The following HAUS7 variants were observed in gnomAD, a reference collection of about 807,000 sequenced individuals.
The protein encoded by HAUS7 is HAUS augmin like complex subunit 7.
A neutral mutation model predicts 28.4 loss-of-function variants in HAUS7; 3 were observed. That is an observed-to-expected ratio of 0.11 (90% CI 0.05 to 0.27). The LOEUF (loss-of-function observed/expected upper bound fraction) is 0.27, where lower values mean the gene tolerates loss of function less well. HAUS7 is among the 10% of genes least tolerant of loss of function. The pLI is 1.00. For synonymous variants in HAUS7, 165 were observed against 132.1 expected (o/e 1.25, Z -1.71); for missense variants, 284 against 297.3 (o/e 0.96, Z 0.33).
At chrX:153,493,888 G>A (rs904140176) in intron 1 of HAUS7, among the ~76,000 whole-genome samples, 5 of 112,054 alleles carry the variant, frequency 4.5e-5, no homozygotes, top group South Asian at 3.7e-4. Context: ...ATTGGATGCC[G>A]CCTCTCTCTA....
chrX:153,481,859 C>T, intron 1 of HAUS7: 1 of 755,851 alleles, frequency 1.3e-6, no homozygotes, highest in Non-Finnish European at 1.6e-6. Context: ...GGCTGCCCAA[C>T]CTGGAGTGGC....
intron 1 of HAUS7, among the ~76,000 whole-genome samples, chrX:153,478,530 A>T (rs1288406335): frequency 1.8e-5 from 2 of 112,607 alleles, no homozygotes; most frequent in Non-Finnish European, 3.8e-5. Context: ...ACATGGCTTC[A>T]CCCAGGCAGT....
intron 9 of HAUS7, among the ~76,000 whole-genome samples, chrX:153,449,940 A>G (rs1055915355): frequency 8.9e-6 from 1 of 112,131 alleles, no homozygotes; most frequent in African/African-American, 3.2e-5. Flanking sequence ...CAGCTGTCCA[A>G]GCATGTCTGG....
intron 4 of HAUS7, 59 bp from the exon 5 acceptor site, chrX:153,457,287 T>C: frequency 1.3e-6 from 1 of 777,238 alleles, no homozygotes; most frequent in African/African-American, 2.0e-5. Context: ...CAAGGCCAGC[T>C]GTCCCCAGTG....
chrX:153,456,687 GC>G, intron 5 of HAUS7, 36 bp from the exon 6 acceptor site: 1 of 1,102,088 alleles, frequency 9.1e-7, no homozygotes, highest in Non-Finnish European at 1.2e-6. Context: ...ACCGTCACAG[GC>G]CAGAGCACTC....
At chrX:153,462,545 T>C (rs3020967) in intron 4 of HAUS7, 65 bp downstream of exon 4, 323,250 of 891,233 alleles carry the variant, frequency 0.36, 43,975 homozygotes, top group East Asian at 0.68. Context: ...GCCAGCACCA[T>C]GAGGTTCCCT....
intron 1 of HAUS7, chrX:153,485,802 G>C (rs1200204589): frequency 1.1e-6 from 1 of 899,043 alleles, no homozygotes. Flanking sequence ...TCCTACAACC[G>C]GCTGGTGCAC....
intron 4 of HAUS7, among the ~76,000 whole-genome samples, chrX:153,457,816 C>T (rs1273970689): frequency 8.8e-6 from 1 of 113,164 alleles, no homozygotes; most frequent in African/African-American, 3.2e-5. Flanking sequence ...TCAAGGCTTC[C>T]GGAAGCACAG....
Position 153,469,277 on chromosome X carries a change from G to T in HAUS7, c.109-16C>A. 1 of 771,971 alleles carries T rather than the reference G, an allele frequency of 1.3e-6. No homozygotes were observed. Among genetic ancestry groups the T allele is most frequent in the Non-Finnish European group, 2.0e-6 (1 of 500,678 alleles). 63.6% of individuals were successfully genotyped at this position (771,971 alleles called of 1,213,427 possible). ...AGTTTAGGTCCTAAGCAAGGAAAAG[G>T]AAAGCAACATTCACTGAAAGTCCCA... On this transcript the variant is annotated splice_polypyrimidine_tract_variant and intron_variant, in intron 1 of 9. Transcript: ENST00000370211.
intron 9 of HAUS7, among the ~76,000 whole-genome samples, chrX:153,452,595 T>C (rs2089253180): frequency 8.9e-6 from 1 of 112,604 alleles, no homozygotes; most frequent in Non-Finnish European, 1.9e-5. Context: ...GCAGTTTCTG[T>C]ATACTATTGA....
intron 1 of HAUS7, chrX:153,486,805 TC>T (rs1401407573): frequency 1.6e-4 from 152 of 980,071 alleles, no homozygotes; most frequent in Non-Finnish European, 2.0e-4. Flanking sequence ...GGAGGAGGGC[TC>T]CTAGTCCTGC....
rs367988369 is a variant in HAUS7 at position 153,454,455 on chromosome X, G to A, written c.984C>T (p.Thr328=). 6 of 1,125,243 alleles carry A rather than the reference G, an allele frequency of 5.3e-6. No individual in the cohort carries two copies. Among genetic ancestry groups the A allele is most frequent in the South Asian group, 3.6e-5 (2 of 55,719 alleles). The allele number at this position is 1,125,243 out of a possible 1,213,427, so 92.7% of individuals were successfully genotyped here. Residue 328 remains threonine, a synonymous_variant, in exon 9 of 10, where the codon ACC becomes ACT. Coordinates refer to ENST00000370211, the MANE Select transcript of HAUS7 (RefSeq NM_001385482.1). ...VADTSAKAVE[T]VKKQQGEQIC... is the part of the protein sequence containing the mutation. ...TCTGCTCGCCTTGCTGCTTCTTCACGGTCTCCACGGCCTTCGCAGAGGTGT... is the reference window on the plus strand; with the variant it reads ...TCTGCTCGCCTTGCTGCTTCTTCACAGTCTCCACGGCCTTCGCAGAGGTGT...
chrX:153,449,767 C>T (rs1361992979), intron 9 of HAUS7, among the ~76,000 whole-genome samples: 5 of 112,346 alleles, frequency 4.5e-5, no homozygotes, highest in Non-Finnish European at 9.4e-5. Context: ...CCACCTCCTC[C>T]GGAGCCCTGC....
At chrX:153,477,944 G>T (rs782406955) in intron 1 of HAUS7, among the ~76,000 whole-genome samples, 1 of 112,236 alleles carries the variant, frequency 8.9e-6, no homozygotes. Context: ...GACCAGCCCT[G>T]CACCCCTCTG....
intron 8 of HAUS7, 81 bp downstream of exon 8, chrX:153,455,461 T>C (rs2089293337): frequency 1.5e-6 from 1 of 667,465 alleles, no homozygotes; most frequent in Non-Finnish European, 2.4e-6. Context: ...CTGAGGCCCC[T>C]GAGCCCAAGC....
rs370281548 is a variant in HAUS7, at chrX:153,479,030, C to T, written c.-588-7885G>A. On this transcript the variant is annotated intron_variant, in intron 1 of 5. Coordinates refer to the HAUS7 transcript ENST00000370210. Reference sequence around the variant, plus strand: ...TCTGAGGAAAGGGCAATCTGTCTTTCTCTTCAGGTGGGAGCAGTGCACGTT... The same window carrying T: ...TCTGAGGAAAGGGCAATCTGTCTTTTTCTTCAGGTGGGAGCAGTGCACGTT... 5.4e-5 allele frequency among the ~76,000 whole-genome samples: 6 copies of T among 110,912 alleles called. 1 individual carries two copies. The highest frequency in any genetic ancestry group is 3.3e-5 in the African/African-American group (1 of 30,431).
upstream of HAUS7, chrX:153,470,771 A>G: frequency 2.0e-6 from 1 of 490,836 alleles, no homozygotes; most frequent in Non-Finnish European, 3.4e-6. Context: ...TGAAGCGGGC[A>G]GGGCGGACAC....
At chrX:153,488,962 C>T (rs1259165529) in intron 1 of HAUS7, among the ~76,000 whole-genome samples, 3 of 112,684 alleles carry the variant, frequency 2.7e-5, no homozygotes, top group Non-Finnish European at 5.6e-5. Context: ...CCTCCTGTGA[C>T]CTTCCCAACT....
chrX:153,467,592 A>G (rs2089469199), intron 2 of HAUS7, among the ~76,000 whole-genome samples: 1 of 112,006 alleles, frequency 8.9e-6, no homozygotes. Flanking sequence ...CTCCCTGCCA[A>G]CATCCACAGC....
Sources: gnomAD v4.1 joint callset for allele counts (sites outside exome capture counted in the v4.1 genomes callset) on GRCh38, gnomAD v4.1.1 for gene constraint, MANE v1.5 for transcripts, NCBI Gene and HGNC (gene_info 2026-07-23, HGNC 2026-07-21) for gene names.